Variants in MAF observed in about 807,000 individuals in gnomAD.
The protein encoded by MAF is MAF bZIP transcription factor.
A neutral mutation model predicts 22.0 loss-of-function variants in MAF; 10 were observed. That is an observed-to-expected ratio of 0.45 (90% CI 0.28 to 0.77). MAF has a LOEUF of 0.77. Among genes scored for constraint, MAF ranks in the 30% least tolerant of loss-of-function variants. The pLI is 0.12. For missense variants in MAF, 544 were observed against 548.4 expected (o/e 0.99, Z 0.08); for synonymous variants, 337 against 255.8 (o/e 1.32, Z -3.03).
chr16:79,488,601 T>C, the MAF span, among the ~76,000 whole-genome samples: 1 of 152,198 alleles, frequency 6.6e-6, no homozygotes, highest in African/African-American at 2.4e-5. Context: ...TGTAGGCTGC[T>C]AGAATTATTT....
chr16:79,273,734 C>G, the MAF span, among the ~76,000 whole-genome samples: 1 of 152,152 alleles, frequency 6.6e-6, no homozygotes, highest in African/African-American at 2.4e-5. Flanking sequence ...TTATGCCCAC[C>G]CAGATAGTCC....
chr16:79,378,429 G>C, the MAF span, among the ~76,000 whole-genome samples: 1 of 152,114 alleles, frequency 6.6e-6, no homozygotes, highest in Non-Finnish European at 1.5e-5. Flanking sequence ...GCGAAACAAA[G>C]CTGTTCTGTT....
chr16:79,496,773 C>T, the MAF span, among the ~76,000 whole-genome samples: 1 of 152,176 alleles, frequency 6.6e-6, no homozygotes, highest in African/African-American at 2.4e-5. Flanking sequence ...AGTAGCTGAG[C>T]TTGCCCATGA....
chr16:79,208,995 T>G, the MAF span, among the ~76,000 whole-genome samples: 1 of 152,180 alleles, frequency 6.6e-6, no homozygotes, highest in East Asian at 1.9e-4. Context: ...ACGATTGATT[T>G]TTGGAGTAGA....
the MAF span, among the ~76,000 whole-genome samples, chr16:79,305,462 G>A: frequency 6.6e-6 from 1 of 152,110 alleles, no homozygotes; most frequent in Non-Finnish European, 1.5e-5. Flanking sequence ...GAGTGTGACT[G>A]AGGAGTGCAC....
chr16:79,559,896 T>C, the MAF span, among the ~76,000 whole-genome samples: 1 of 152,202 alleles, frequency 6.6e-6, no homozygotes, highest in Non-Finnish European at 1.5e-5. Context: ...GTTGTGTTTC[T>C]CTCCTATATC....
chr16:79,574,797 A>G, the MAF span, among the ~76,000 whole-genome samples: 17 of 152,252 alleles, frequency 1.1e-4, no homozygotes, highest in African/African-American at 3.8e-4. Flanking sequence ...ATTGATGTCA[A>G]TGAAGAACTA....
At chr16:79,330,010 G>A in the MAF span, among the ~76,000 whole-genome samples, 37 of 151,596 alleles carry the variant, frequency 2.4e-4, 2 homozygotes, top group Middle Eastern at 3.5e-3. Flanking sequence ...TAATCAATTG[G>A]CAAAAATTCA....
chr16:79,238,230 G>A, the MAF span, among the ~76,000 whole-genome samples: 3 of 152,024 alleles, frequency 2.0e-5, no homozygotes, highest in Non-Finnish European at 4.4e-5. Flanking sequence ...GAAGATGATG[G>A]CTTCATAACT....
At chr16:79,456,889 A>T in the MAF span, among the ~76,000 whole-genome samples, 1 of 152,158 alleles carries the variant, frequency 6.6e-6, no homozygotes, top group Non-Finnish European at 1.5e-5. Context: ...TGTAGCATAG[A>T]AGCATTAAAT....
chr16:79,486,090 T>A, the MAF span, among the ~76,000 whole-genome samples: 26 of 152,270 alleles, frequency 1.7e-4, no homozygotes, highest in East Asian at 2.9e-3. Context: ...TTACGGAGTG[T>A]CTCGCATGAC....
chr16:79,314,672 G>T, the MAF span, among the ~76,000 whole-genome samples: 1 of 152,186 alleles, frequency 6.6e-6, no homozygotes, highest in Non-Finnish European at 1.5e-5. Context: ...TCCCCTGGAG[G>T]GTCATCAAAG....
the MAF span, among the ~76,000 whole-genome samples, chr16:79,506,275 T>C: frequency 6.6e-6 from 1 of 152,204 alleles, no homozygotes; most frequent in Non-Finnish European, 1.5e-5. Flanking sequence ...TTCTGTAGCC[T>C]CATTTTAATG....
the MAF span, among the ~76,000 whole-genome samples, chr16:79,372,696 G>C: frequency 6.6e-6 from 1 of 152,112 alleles, no homozygotes; most frequent in Non-Finnish European, 1.5e-5. Flanking sequence ...TTTCATGTTT[G>C]ACCTCAGGAG....
the MAF span, among the ~76,000 whole-genome samples, chr16:79,555,900 A>G: frequency 6.6e-6 from 1 of 151,870 alleles, no homozygotes; most frequent in African/African-American, 2.4e-5. Context: ...TGGTATTTCT[A>G]CGAAACAGAT....
chr16:79,413,406 G>A, the MAF span, among the ~76,000 whole-genome samples: 1 of 103,878 alleles, frequency 9.6e-6, no homozygotes, highest in Non-Finnish European at 2.0e-5. Context: ...ACCTCGCCCG[G>A]CTAATTTTTT....
chr16:79,254,583 C>G, the MAF span, among the ~76,000 whole-genome samples: 1 of 152,152 alleles, frequency 6.6e-6, no homozygotes, highest in Non-Finnish European at 1.5e-5. Context: ...GTTATATATT[C>G]TTTAAGGAAA....
At chr16:79,386,796 T>C in the MAF span, among the ~76,000 whole-genome samples, 1 of 151,976 alleles carries the variant, frequency 6.6e-6, no homozygotes, top group African/African-American at 2.4e-5. Flanking sequence ...CCACAAGCCA[T>C]CCTTAGAGCC....
chr16:79,428,510 CAGAG>C, the MAF span, among the ~76,000 whole-genome samples: 2 of 152,040 alleles, frequency 1.3e-5, no homozygotes, highest in Non-Finnish European at 2.9e-5. Flanking sequence ...GACAGAGAGA[CAGAG>C]AGAGAGAAAG....
Sources: gnomAD v4.1 joint callset for allele counts (sites outside exome capture counted in the v4.1 genomes callset) on GRCh38, gnomAD v4.1.1 for gene constraint, MANE v1.5 for transcripts, NCBI Gene and HGNC (gene_info 2026-07-23, HGNC 2026-07-21) for gene names.